The following RNGTT variants were observed in gnomAD, a reference collection of about 807,000 sequenced individuals.
RNGTT encodes RNA guanylyltransferase and 5'-phosphatase.
Under a neutral mutation model 79.3 loss-of-function variants are expected in RNGTT, and 33 were observed. The observed-to-expected ratio is 0.42, with a 90% confidence interval of 0.32 to 0.56. The LOEUF is 0.56. Among genes scored for constraint, RNGTT ranks in the 20% least tolerant of loss-of-function variants. RNGTT has a pLI of 0.17. For missense variants in RNGTT, 497 were observed against 739.1 expected (o/e 0.67, Z 3.80); for synonymous variants, 222 against 235.9 (o/e 0.94, Z 0.54).
intron 11 of RNGTT, 43 bp from the exon 12 acceptor site, chr6:88,801,675 C>A: frequency 1.5e-6 from 2 of 1,297,586 alleles, no homozygotes; most frequent in South Asian, 1.2e-5. Context: ...ATATAATAAT[C>A]ACTTTAAAAG....
chr6:88,732,946 A>G (rs952795664), intron 13 of RNGTT, among the ~76,000 whole-genome samples: 4 of 152,240 alleles, frequency 2.6e-5, no homozygotes, highest in African/African-American at 9.6e-5. Context: ...TTAAGATACT[A>G]AATTTTACAG....
intron 12 of RNGTT, among the ~76,000 whole-genome samples, chr6:88,773,197 A>C (rs80135543): frequency 6.6e-6 from 1 of 151,388 alleles, no homozygotes; most frequent in Non-Finnish European, 1.5e-5. Flanking sequence ...GGAAATCATC[A>C]TTCTCAGTAA....
chr6:88,771,315 GTATATATATATATATATATA>G (rs539282627), intron 12 of RNGTT, among the ~76,000 whole-genome samples: 12 of 62,076 alleles, frequency 1.9e-4, no homozygotes, highest in East Asian at 1.5e-3. Flanking sequence ...GTGTGTGTGT[GTATATATATATATATATATA>G]TATATATATA....
At chr6:88,771,107 T>C (rs6916968) in intron 12 of RNGTT, among the ~76,000 whole-genome samples, 21,022 of 151,594 alleles carry the variant, frequency 0.14, 1,590 homozygotes, top group Middle Eastern at 0.24. Flanking sequence ...ATTTTAGTAA[T>C]GTCAAAATTA....
intron 14 of RNGTT, 46 bp downstream of exon 14, chr6:88,678,307 A>G: frequency 1.3e-6 from 2 of 1,581,912 alleles, no homozygotes; most frequent in Non-Finnish European, 1.7e-6. Context: ...TGGATTCTAG[A>G]TAAGAGAACA....
chr6:88,853,576 G>T, intron 9 of RNGTT, 53 bp downstream of exon 9: 1 of 1,237,250 alleles, frequency 8.1e-7, no homozygotes, highest in Non-Finnish European at 1.1e-6. Context: ...TTACTTACAA[G>T]GAAAAGAAAA....
intron 13 of RNGTT, among the ~76,000 whole-genome samples, chr6:88,704,073 C>T (rs1054997108): frequency 8.8e-5 from 13 of 147,976 alleles, no homozygotes; most frequent in Middle Eastern, 3.4e-3. Context: ...TGCTGGCTAA[C>T]GTGGTGAAAC....
chr6:88,714,083 C>T (rs1284468493), intron 13 of RNGTT, among the ~76,000 whole-genome samples: 8 of 152,110 alleles, frequency 5.3e-5, no homozygotes, highest in Admixed American at 5.2e-4. Context: ...TTCTTGATTT[C>T]CTCATCTATA....
At chr6:88,706,590 G>C (rs796530815) in intron 13 of RNGTT, among the ~76,000 whole-genome samples, 2 of 152,084 alleles carry the variant, frequency 1.3e-5, no homozygotes, top group African/African-American at 4.8e-5. Context: ...CTTTCGACTA[G>C]CACTTTTTCA....
At chr6:88,695,331 A>C (rs1281692709) in intron 13 of RNGTT, among the ~76,000 whole-genome samples, 1 of 152,184 alleles carries the variant, frequency 6.6e-6, no homozygotes, top group Non-Finnish European at 1.5e-5. Flanking sequence ...AAACAATCTG[A>C]TTGAAAAATG....
intron 11 of RNGTT, among the ~76,000 whole-genome samples, chr6:88,819,468 G>A (rs1174670092): frequency 6.6e-6 from 1 of 152,148 alleles, no homozygotes; most frequent in African/African-American, 2.4e-5. Flanking sequence ...CCAAACAGTA[G>A]GATCTGCATT....
chr6:88,678,516 A>G (rs1774969423), intron 13 of RNGTT, 97 bp from the exon 14 acceptor site: 1 of 627,794 alleles, frequency 1.6e-6, no homozygotes, highest in Admixed American at 4.4e-5. Flanking sequence ...ATATAGATAT[A>G]CTATAAAATA....
At chr6:88,739,061 TA>T (rs1187175149) in intron 13 of RNGTT, among the ~76,000 whole-genome samples, 6 of 152,006 alleles carry the variant, frequency 3.9e-5, no homozygotes, top group Non-Finnish European at 5.9e-5. Context: ...ATAAAGAAGA[TA>T]AAAAAACTTT....
At chr6:88,844,713 C>T (rs898298024) in intron 10 of RNGTT, among the ~76,000 whole-genome samples, 192 bp from the exon 11 acceptor site, 1 of 151,524 alleles carries the variant, frequency 6.6e-6, no homozygotes, top group African/African-American at 2.4e-5. Context: ...TATCTAAACA[C>T]ACAAAGAGAC....
intron 6 of RNGTT, among the ~76,000 whole-genome samples, chr6:88,895,545 A>C (rs1343090615): frequency 6.6e-6 from 1 of 152,164 alleles, no homozygotes; most frequent in African/African-American, 2.4e-5. Context: ...CAAGGAGTCC[A>C]TTACTTGAAT....
At chr6:88,931,883 A>T (rs1784523757) in intron 2 of RNGTT, among the ~76,000 whole-genome samples, 3 of 152,144 alleles carry the variant, frequency 2.0e-5, no homozygotes, top group Admixed American at 1.3e-4. Flanking sequence ...GGACCCTGTG[A>T]TGATTGTGTT....
At chr6:88,628,712 G>T (rs1772729753) in intron 14 of RNGTT, among the ~76,000 whole-genome samples, 1 of 152,100 alleles carries the variant, frequency 6.6e-6, no homozygotes, top group African/African-American at 2.4e-5. Context: ...AGGAAATTAA[G>T]AATGAGAATA....
At chr6:88,745,550 T>C (rs1777632711) in intron 13 of RNGTT, among the ~76,000 whole-genome samples, 1 of 152,226 alleles carries the variant, frequency 6.6e-6, no homozygotes. Flanking sequence ...AATATGTTAT[T>C]GGAATTAATT....
chr6:88,718,903 A>G (rs1321848829), intron 13 of RNGTT, among the ~76,000 whole-genome samples: 2 of 152,208 alleles, frequency 1.3e-5, no homozygotes, highest in Non-Finnish European at 2.9e-5. Flanking sequence ...TATTTCTTTT[A>G]AAATATACGT....
Sources: allele counts gnomAD v4.1 joint callset (sites outside exome capture counted in the v4.1 genomes callset), GRCh38; gene constraint gnomAD v4.1.1; transcripts MANE v1.5; gene names NCBI Gene and HGNC (gene_info 2026-07-23, HGNC 2026-07-21).